KIF1B: variants seen among roughly 807,000 people sequenced by gnomAD.
KIF1B encodes the protein kinesin-like protein KIF1B.
Under a neutral mutation model 241.9 loss-of-function variants are expected in KIF1B, and 76 were observed. The observed-to-expected ratio is 0.31, with a 90% CI of 0.26 to 0.38. The LOEUF (loss-of-function observed/expected upper bound fraction) is 0.38. Among genes scored for constraint, KIF1B ranks in the 10% least tolerant of loss-of-function variants. KIF1B has a pLI of 1.00. For synonymous variants in KIF1B, 750 were observed against 796.7 expected, an observed-to-expected ratio of 0.94 and a Z score of 0.99; for missense variants, 1,622 against 2,271.4, an observed-to-expected ratio of 0.71 and a Z score of 5.81.
At chr1:10,342,878 A>G (rs1489516216) in intron 33 of KIF1B, among the ~76,000 whole-genome samples, 3 of 152,240 alleles carry the variant, frequency 2.0e-5, no homozygotes, top group Non-Finnish European at 4.4e-5. Context: ...AGCGATGGTA[A>G]TGACCAGCAA....
intron 6 of KIF1B, 93 bp downstream of exon 6, chr1:10,267,651 T>C (rs1232816269): frequency 1.6e-6 from 2 of 1,219,952 alleles, no homozygotes; most frequent in African/African-American, 1.5e-5. Context: ...TTTATAGCTA[T>C]GAAAGTTGCT....
chr1:10,343,166 A>G (rs1356101236), intron 33 of KIF1B, 66 bp from the exon 34 acceptor site: 39 of 1,539,562 alleles, frequency 2.5e-5, no homozygotes, highest in Non-Finnish European at 3.3e-5. Flanking sequence ...AGTCCAGCAC[A>G]AAGGGGAGAA....
At chr1:10,232,024 G>T (rs1646989983) in intron 1 of KIF1B, among the ~76,000 whole-genome samples, 1 of 152,062 alleles carries the variant, frequency 6.6e-6, no homozygotes, top group African/African-American at 2.4e-5. Flanking sequence ...GGAGACTGAG[G>T]CAGGAGGATC....
chr1:10,229,544 A>G (rs1646951234), intron 1 of KIF1B, among the ~76,000 whole-genome samples: 1 of 152,106 alleles, frequency 6.6e-6, no homozygotes, highest in East Asian at 1.9e-4. Flanking sequence ...TCAAATAGCG[A>G]TGATGCTATT....
chr1:10,378,196 G>A lies in KIF1B; in HGVS notation c.*1609G>A, dbSNP rs961470538. Reference sequence around the variant, plus strand: ...CACTACTCCAAACAAAACACAATATGCCTAGGGGCACGGATGAACGTCCAG... The same window carrying A: ...CACTACTCCAAACAAAACACAATATACCTAGGGGCACGGATGAACGTCCAG... On this transcript the variant is annotated 3_prime_UTR_variant, in exon 49 of 49. Coordinates refer to ENST00000676179, the MANE Select transcript of KIF1B (RefSeq NM_001365951.3). The A allele has an allele frequency of 1.7e-5, 11 of 649,676 alleles. No individual in the cohort carries two copies. The highest frequency in any genetic ancestry group is 2.5e-5 in the Non-Finnish European group (9 of 359,488). The allele number at this position is 649,676 out of a possible 1,614,324, so 40.2% of individuals were successfully genotyped here. A position where few individuals can be genotyped will look rare whatever the true frequency, so the allele number is the denominator to read the frequency against.
intron 19 of KIF1B, 81 bp downstream of exon 19, chr1:10,295,847 T>G: frequency 8.4e-7 from 1 of 1,185,102 alleles, no homozygotes; most frequent in Non-Finnish European, 1.2e-6. Flanking sequence ...GTATTCTCTG[T>G]CTATCAGTAG....
chr1:10,291,395 A>T (rs1176431098), intron 16 of KIF1B, among the ~76,000 whole-genome samples: 1 of 152,130 alleles, frequency 6.6e-6, no homozygotes, highest in Admixed American at 6.6e-5. Flanking sequence ...ACCATATTAC[A>T]TGTTGCTAGG....
At chr1:10,211,482 C>T (rs35111552) in intron 1 of KIF1B, 1 of 151,832 alleles carries the variant, frequency 6.6e-6, no homozygotes, top group African/African-American at 2.4e-5. Flanking sequence ...ACTGGGATTA[C>T]TCGGGCAGCC....
intron 32 of KIF1B, 70 bp from the exon 33 acceptor site, chr1:10,341,980 T>G: frequency 9.9e-7 from 1 of 1,010,414 alleles, no homozygotes; most frequent in Non-Finnish European, 1.6e-6. Flanking sequence ...CCAAAATACG[T>G]ACTAAAGTTC....
At position 10,378,284 on chromosome 1, in the gene KIF1B, T is replaced by G. The variant is rs1638938879; in HGVS notation, c.*1697T>G. 2.8e-6 allele frequency: 2 copies of G among 717,168 alleles called. No homozygotes were observed. The highest frequency in any genetic ancestry group is 3.0e-5 in the South Asian group (2 of 67,574). The allele number at this position is 717,168 out of a possible 1,614,324, so 44.4% of individuals were successfully genotyped here. A position where few individuals can be genotyped will look rare whatever the true frequency, so the allele number is the denominator to read the frequency against. On this transcript the variant is annotated 3_prime_UTR_variant, in exon 49 of 49. Transcript: ENST00000676179. Reference sequence around the variant, plus strand: ...TCCTCTCCATCTGGTGTGGAAACACTGCCCAGGGAGAAAGGAGGAAGCTCA... The same window carrying G: ...TCCTCTCCATCTGGTGTGGAAACACGGCCCAGGGAGAAAGGAGGAAGCTCA...
chr1:10,341,082 C>G (rs927962058), intron 32 of KIF1B, among the ~76,000 whole-genome samples: 3 of 152,330 alleles, frequency 2.0e-5, no homozygotes, highest in Non-Finnish European at 4.4e-5. Flanking sequence ...TGCCTGACAA[C>G]TGGGGAATGC....
intron 22 of KIF1B, among the ~76,000 whole-genome samples, chr1:10,316,161 A>T (rs759753820): frequency 6.0e-5 from 9 of 150,912 alleles, no homozygotes; most frequent in Non-Finnish European, 1.0e-4. Context: ...TGAGCCTGAG[A>T]GGTCAAGGTT....
chr1:10,375,033 A>G lies in KIF1B; in HGVS notation c.5276A>G (p.Gln1759Arg). 1 of 1,614,198 alleles carries G rather than the reference A, an allele frequency of 6.2e-7. No individual in the cohort carries two copies. Among genetic ancestry groups the G allele is most frequent in the Non-Finnish European group, 8.5e-7 (1 of 1,180,022 alleles). ...CAGGTGGAGTACAGTGAGGACCAGCAGGCCATGGTGAAGGTCCGTCCTGCC... is the reference window on the plus strand; with the variant it reads ...CAGGTGGAGTACAGTGAGGACCAGCGGGCCATGGTGAAGGTCCGTCCTGCC... ...TAQVEYSEDQ[Q>R]AMVKTPNTFA... The change falls in exon 47 of 49, where the codon CAG becomes CGG. Residue 1759 changes from glutamine (Q) to arginine (R), a missense_variant. Physicochemically the swap from Gln to Arg is conservative, Grantham distance 43. Around this residue, in one of 7 missense-constraint regions of KIF1B, gnomAD observed 357 missense variants for 409.0 expected, o/e 0.87. Coordinates refer to ENST00000676179, the MANE Select transcript of KIF1B (RefSeq NM_001365951.3).
In KIF1B at chr1:10,376,304, G is replaced by A. The variant is rs1344830582; in HGVS notation, c.5409-241G>A. On this transcript the variant is annotated intron_variant, in intron 48 of 48. Transcript: ENST00000676179. ...TCAAGAGTTCTAAAGATGGGGCTCAGGGGAGAGAGTAAAGGGAGGACAGTG... is the reference window on the plus strand; with the variant it reads ...TCAAGAGTTCTAAAGATGGGGCTCAAGGGAGAGAGTAAAGGGAGGACAGTG... Among the ~76,000 whole-genome samples the A allele has an allele frequency of 5.9e-5, 9 of 152,106 alleles. 1 individual carries two copies. The highest frequency in any genetic ancestry group is 4.1e-4 in the South Asian group (2 of 4,834).
intron 6 of KIF1B, among the ~76,000 whole-genome samples, chr1:10,267,866 T>C (rs1648558045): frequency 6.6e-6 from 1 of 152,168 alleles, no homozygotes; most frequent in African/African-American, 2.4e-5. Context: ...CTGGAATAAA[T>C]GAGCACCAAT....
chr1:10,342,236 A>C, intron 33 of KIF1B, 68 bp downstream of exon 33: 1 of 981,070 alleles, frequency 1.0e-6, no homozygotes, highest in Non-Finnish European at 1.7e-6. Flanking sequence ...ATTGCTGGAA[A>C]GGAAGAAATC....
In KIF1B at chr1:10,356,150, G is replaced by A. The variant is rs1056829070; in HGVS notation, c.4055+3414G>A. ...TGGGAGGCCAAGGCGGGTGGATCAC[G>A]AGGTCAGGAGTTCAAGACCAGCCTG... is the stretch of plus-strand genomic sequence containing the variant. On this transcript the variant is annotated intron_variant, in intron 38 of 48. Coordinates refer to ENST00000676179, the MANE Select transcript of KIF1B (RefSeq NM_001365951.3). Among the ~76,000 whole-genome samples the A allele has an allele frequency of 3.9e-5, 6 of 151,964 alleles. No individual in the cohort carries two copies. The East Asian group carries it at 1.2e-3, about 29-fold the overall frequency.
At chr1:10,297,691 C>T (rs933482709) in intron 22 of KIF1B, among the ~76,000 whole-genome samples, 1 of 151,126 alleles carries the variant, frequency 6.6e-6, no homozygotes, top group African/African-American at 2.4e-5. Flanking sequence ...TGTTCTTACG[C>T]TGGGCAGACT....
chr1:10,253,727 A>G (rs989095817), intron 2 of KIF1B, among the ~76,000 whole-genome samples: 2 of 152,190 alleles, frequency 1.3e-5, no homozygotes, highest in African/African-American at 4.8e-5. Context: ...TAAATCTTGC[A>G]TTTAATTCCT....
Sources: gnomAD v4.1 joint callset for allele counts (sites outside exome capture counted in the v4.1 genomes callset) on GRCh38, gnomAD v4.1.1 for gene constraint, gnomAD v4.1.1 regional missense constraint, MANE v1.5 for transcripts, NCBI Gene and HGNC (gene_info 2026-07-23, HGNC 2026-07-21) for gene names.